Variants in STPG2 observed in about 807,000 individuals in gnomAD.
STPG2 encodes sperm-tail PG-rich repeat-containing protein 2.
STPG2 carries 56 observed loss-of-function variants against 54.2 expected under a neutral mutation model. The ratio of observed to expected loss-of-function variants is 1.03; its 90% CI spans 0.83 to 1.29. The LOEUF is 1.29. Among genes scored for constraint, STPG2 ranks in the 50% most tolerant of loss-of-function variants. STPG2 has a pLI of 0.00. For missense variants in STPG2, 596 were observed against 544.9 expected (o/e 1.09, Z -0.93); for synonymous variants, 200 against 181.8 (o/e 1.10, Z -0.81).
At chr4:97,576,265 T>G (rs921409755) in intron 10 of STPG2, among the ~76,000 whole-genome samples, 1 of 142,434 alleles carries the variant, frequency 7.0e-6, no homozygotes, top group African/African-American at 2.6e-5. Context: ...AAAACTATAC[T>G]AATATATATG....
chr4:97,854,469 G>C (rs1234832776), intron 8 of STPG2, among the ~76,000 whole-genome samples: 1 of 147,818 alleles, frequency 6.8e-6, no homozygotes, highest in African/African-American at 2.5e-5. Flanking sequence ...ATAATATAAT[G>C]TATCATATAT....
intron 5 of STPG2, among the ~76,000 whole-genome samples, chr4:97,983,070 T>C (rs1734728229): frequency 6.6e-6 from 1 of 152,194 alleles, no homozygotes; most frequent in South Asian, 2.1e-4. Flanking sequence ...GTTTGAACAA[T>C]GTGGTTCCAC....
At chr4:97,738,538 C>CA (rs1725104957) in intron 9 of STPG2, among the ~76,000 whole-genome samples, 1 of 151,600 alleles carries the variant, frequency 6.6e-6, no homozygotes, top group Non-Finnish European at 1.5e-5. Context: ...AAATGGAAAA[C>CA]AAAAAAAGGC....
At chr4:97,693,281 C>A (rs1309600651) in intron 10 of STPG2, among the ~76,000 whole-genome samples, 1 of 152,016 alleles carries the variant, frequency 6.6e-6, no homozygotes, top group East Asian at 1.9e-4. Context: ...AAGAATTCAT[C>A]AACCAAGTAT....
chr4:98,031,077 C>A (rs1183885721), intron 5 of STPG2, among the ~76,000 whole-genome samples: 1 of 152,112 alleles, frequency 6.6e-6, no homozygotes, highest in Admixed American at 6.6e-5. Flanking sequence ...ACCAATGGAA[C>A]AGAATAGAGA....
chr4:97,598,622 C>A (rs184967856), intron 10 of STPG2, among the ~76,000 whole-genome samples: 2 of 150,882 alleles, frequency 1.3e-5, no homozygotes, highest in East Asian at 1.9e-4. Context: ...AAGCTGCACA[C>A]CTACAACCCT....
intron 9 of STPG2, among the ~76,000 whole-genome samples, chr4:97,783,804 T>C (rs1217292091): frequency 1.3e-5 from 2 of 152,102 alleles, no homozygotes; most frequent in East Asian, 3.9e-4. Flanking sequence ...ACCATCATTC[T>C]CAGTAAACTA....
chr4:97,891,235 C>G (rs1292036671), intron 8 of STPG2, among the ~76,000 whole-genome samples: 2 of 151,870 alleles, frequency 1.3e-5, no homozygotes, highest in Non-Finnish European at 2.9e-5. Context: ...ACTTTGTGAT[C>G]ATTAAAAGTT....
At chr4:97,995,808 A>G (rs912249237) in intron 5 of STPG2, among the ~76,000 whole-genome samples, 2 of 152,248 alleles carry the variant, frequency 1.3e-5, no homozygotes, top group East Asian at 3.9e-4. Flanking sequence ...CTGTGTCCCC[A>G]CCCAAATCTC....
chr4:97,678,953 A>G (rs997568109), intron 10 of STPG2, among the ~76,000 whole-genome samples: 2 of 152,024 alleles, frequency 1.3e-5, no homozygotes, highest in Non-Finnish European at 1.5e-5. Context: ...AAGGACATGA[A>G]CTCATCATTT....
At chr4:98,034,659 G>T (rs911501665) in intron 5 of STPG2, among the ~76,000 whole-genome samples, 1 of 152,086 alleles carries the variant, frequency 6.6e-6, no homozygotes, top group Admixed American at 6.6e-5. Flanking sequence ...TAAGCAAAAA[G>T]AACAAAGCTG....
At chr4:97,483,032 A>G (rs1730264009) in intron 4 of STPG2, among the ~76,000 whole-genome samples, 1 of 151,776 alleles carries the variant, frequency 6.6e-6, no homozygotes, top group South Asian at 2.1e-4. Flanking sequence ...CCACCAAGCC[A>G]TCACTACAAG....
At chr4:97,874,081 A>G (rs915311062) in intron 8 of STPG2, among the ~76,000 whole-genome samples, 3 of 151,586 alleles carry the variant, frequency 2.0e-5, no homozygotes, top group African/African-American at 7.2e-5. Flanking sequence ...GCAGTGAAGA[A>G]TTTTCCATCA....
chr4:97,819,797 T>C (rs1388680960), intron 9 of STPG2, among the ~76,000 whole-genome samples: 2 of 152,228 alleles, frequency 1.3e-5, no homozygotes, highest in East Asian at 3.9e-4. Flanking sequence ...AATATATTTT[T>C]GACTTACTAT....
At position 97,708,631 on chromosome 4, in the gene STPG2, C is replaced by T. The variant is rs371255026; in HGVS notation, c.1320+4068G>A. 6.6e-4 allele frequency among the ~76,000 whole-genome samples: 101 copies of T among 151,968 alleles called. 1 individual carries two copies. In the South Asian group the frequency reaches 0.021, roughly 31 times the overall value. ...GAAAAATTGAAAACTTTTTAAAGATCTCTTGCTATACTCCCAATAAAATAT... is the reference window on the plus strand; with the variant it reads ...GAAAAATTGAAAACTTTTTAAAGATTTCTTGCTATACTCCCAATAAAATAT... On this transcript the variant is annotated intron_variant, in intron 10 of 10. Transcript: ENST00000295268.
At chr4:97,714,664 A>G (rs1336810385) in intron 9 of STPG2, among the ~76,000 whole-genome samples, 1 of 152,188 alleles carries the variant, frequency 6.6e-6, no homozygotes, top group Non-Finnish European at 1.5e-5. Flanking sequence ...ATATACATAC[A>G]TAACATCTTT....
At chr4:97,451,749 T>C (rs1429091882) in intron 4 of STPG2, among the ~76,000 whole-genome samples, 1 of 152,174 alleles carries the variant, frequency 6.6e-6, no homozygotes, top group Non-Finnish European at 1.5e-5. Flanking sequence ...TATAGTGGAA[T>C]TGAGAGACTC....
chr4:98,073,593 G>A (rs973976439), intron 5 of STPG2, among the ~76,000 whole-genome samples: 2 of 152,078 alleles, frequency 1.3e-5, no homozygotes, highest in African/African-American at 4.8e-5. Context: ...TGGGCGTGGT[G>A]GCAGGCACCT....
At chr4:97,541,967 A>C (rs1009714022) in intron 4 of STPG2, among the ~76,000 whole-genome samples, 15 of 152,228 alleles carry the variant, frequency 9.9e-5, no homozygotes, top group Admixed American at 3.3e-4. Context: ...TACAAAAATT[A>C]ATTCAAGATG....
Sources: gnomAD v4.1 joint callset for allele counts (sites outside exome capture counted in the v4.1 genomes callset) on GRCh38, gnomAD v4.1.1 for gene constraint, MANE v1.5 for transcripts, NCBI Gene and HGNC (gene_info 2026-07-23, HGNC 2026-07-21) for gene names.